Variants in ZNF514 observed in about 807,000 individuals in gnomAD.
ZNF514 encodes the protein zinc finger protein 514.
A neutral mutation model predicts 9.7 loss-of-function variants in ZNF514; 12 were observed. The ratio of observed to expected loss-of-function variants is 1.24; its 90% CI spans 0.79 to 2.01. The LOEUF is 2.01. Ranked by LOEUF, ZNF514 falls within the 30% of genes most tolerant of loss-of-function variation. The pLI, the probability that ZNF514 is intolerant of heterozygous loss-of-function variation, is 0.00. For synonymous variants in ZNF514, 158 were observed against 163.7 expected, an observed-to-expected ratio of 0.97 and a Z score of 0.27; for missense variants, 467 against 465.5, an observed-to-expected ratio of 1.00 and a Z score of -0.03.
In ZNF514 at chr2:95,145,797, G is replaced by A. The variant is rs955689889; in HGVS notation, c.*3485C>T. 6.6e-6 allele frequency among the ~76,000 whole-genome samples: 1 copy of A among 152,144 alleles called. No individual in the cohort carries two copies. Among genetic ancestry groups the A allele is most frequent in the African/African-American group, 2.4e-5 (1 of 41,410 alleles). ...CAGCACAATTGTCTCTTCCTCTCAC[G>A]TACCTTTGCCATGTTAACCATACTC... On this transcript the variant is annotated 3_prime_UTR_variant, in exon 5 of 5. Coordinates refer to ENST00000295208, the MANE Select transcript of ZNF514 (RefSeq NM_032788.3).
chr2:95,127,372 G>A, the ZNF514 span, among the ~76,000 whole-genome samples: 4 of 152,108 alleles, frequency 2.6e-5, no homozygotes, highest in Admixed American at 2.6e-4. Context: ...ACTTCAGTAG[G>A]TTCTCCATCT....
chr2:95,131,599 G>T, the ZNF514 span, among the ~76,000 whole-genome samples: 1 of 152,158 alleles, frequency 6.6e-6, no homozygotes, highest in Non-Finnish European at 1.5e-5. Flanking sequence ...AAACCCCAGA[G>T]CTGGAATCTT....
the ZNF514 span, among the ~76,000 whole-genome samples, chr2:95,126,729 G>A: frequency 1.3e-5 from 2 of 151,968 alleles, no homozygotes; most frequent in Non-Finnish European, 2.9e-5. Context: ...TGTGTTTTGA[G>A]AATTCTTTGT....
chr2:95,140,501 T>C (rs1300146108), downstream of ZNF514, among the ~76,000 whole-genome samples: 3 of 151,720 alleles, frequency 2.0e-5, no homozygotes, highest in African/African-American at 7.3e-5. Flanking sequence ...TTGCCTGTAA[T>C]CCCAGGGAGG....
rs1225175957 is a variant in ZNF514 at position 95,149,845 on chromosome 2, G to A, written c.640C>T (p.His214Tyr). The change falls in exon 5 of 5, where the codon CAC becomes TAC. Residue 214 changes from histidine (H) to tyrosine (Y), a missense_variant. Coordinates refer to ENST00000295208, the MANE Select transcript of ZNF514 (RefSeq NM_032788.3). ...CKCNECGKSF[H>Y]FQSELRRHQR... ...TGGCGCCTAAGTTCTGACTGGAAGT[G>A]AAAGGACTTCCCACACTCATTACAT... is the stretch of plus-strand genomic sequence containing the variant. 6.2e-7 allele frequency: 1 copy of A among 1,614,186 alleles called. No individual in the cohort carries two copies. The highest frequency in any genetic ancestry group is 1.3e-5 in the African/African-American group (1 of 75,054).
At chr2:95,137,596 T>G in the ZNF514 span, among the ~76,000 whole-genome samples, 1 of 152,210 alleles carries the variant, frequency 6.6e-6, no homozygotes, top group African/African-American at 2.4e-5. Context: ...AACTTTCAGA[T>G]GGATTTTATC....
rs796409697 is a variant in ZNF514 at position 95,152,839 on chromosome 2, A to G, written c.122-70T>C. 49 of 1,376,210 alleles carry G rather than the reference A, an allele frequency of 3.6e-5. No homozygotes were observed. In the African/African-American group the frequency reaches 7.0e-4, roughly 20 times the overall value. 85.2% of individuals were successfully genotyped at this position (1,376,210 alleles called of 1,614,324 possible). The stretch of plus-strand genomic sequence containing the variant: ...GCCAAGTCTTTGGATATTCATCTTC[A>G]AGGTGGAGAAATACTGTAGGCATGG... On this transcript the variant is annotated intron_variant, in intron 3 of 4. Transcript: ENST00000295208.
chr2:95,134,727 A>G, the ZNF514 span, among the ~76,000 whole-genome samples: 1 of 152,234 alleles, frequency 6.6e-6, no homozygotes, highest in Non-Finnish European at 1.5e-5. Flanking sequence ...GTTTTCTTCT[A>G]AGAGTTTTAC....
At chr2:95,143,760 G>A (rs1673299889), downstream of ZNF514, among the ~76,000 whole-genome samples, 1 of 152,226 alleles carries the variant, frequency 6.6e-6, no homozygotes, top group Non-Finnish European at 1.5e-5. Context: ...TCTTGTGGGG[G>A]TTCAGTCAGG....
At chr2:95,157,571 A>G (rs533197682) in intron 1 of ZNF514, 132 bp from the exon 2 acceptor site, 7 of 413,232 alleles carry the variant, frequency 1.7e-5, no homozygotes, top group African/African-American at 1.2e-4. Flanking sequence ...GTGGATCAAA[A>G]GGATCTGAGA....
downstream of ZNF514, among the ~76,000 whole-genome samples, chr2:95,141,260 G>A (rs558856141): frequency 1.1e-4 from 17 of 152,224 alleles, no homozygotes; most frequent in South Asian, 2.1e-4. Context: ...AGGCATTAAC[G>A]CTTACTCAAA....
At chr2:95,134,012 T>C in the ZNF514 span, among the ~76,000 whole-genome samples, 2 of 152,160 alleles carry the variant, frequency 1.3e-5, no homozygotes, top group Non-Finnish European at 2.9e-5. Flanking sequence ...CTACAGTTAT[T>C]TCCAAATAAA....
chr2:95,141,357 G>A (rs1278882878), downstream of ZNF514, among the ~76,000 whole-genome samples: 1 of 152,128 alleles, frequency 6.6e-6, no homozygotes, highest in East Asian at 1.9e-4. Flanking sequence ...AAAATTTTCA[G>A]AAACCCTTGC....
chr2:95,153,358 G>T (rs1673596860), intron 2 of ZNF514, 99 bp from the exon 3 acceptor site: 1 of 1,250,800 alleles, frequency 8.0e-7, no homozygotes, highest in Non-Finnish European at 1.1e-6. Flanking sequence ...GGCCTACAGA[G>T]ACATTCTTCT....
intron 2 of ZNF514, chr2:95,155,175 T>C (rs952974679): frequency 6.6e-6 from 1 of 152,222 alleles, no homozygotes; most frequent in Non-Finnish European, 1.5e-5. Context: ...AAAAGCTGCT[T>C]TGCCCCCAAG....
In ZNF514 at chr2:95,159,271, C is replaced by A; in HGVS notation, c.-127G>T. Reference sequence around the variant, plus strand: ...CTCGGCTCCTCCTCAGGACCAGGCTCTGGAACCCAGCTCCCACGTGGATCC... The same window carrying A: ...CTCGGCTCCTCCTCAGGACCAGGCTATGGAACCCAGCTCCCACGTGGATCC... On this transcript the variant is annotated 5_prime_UTR_variant, in exon 1 of 5. Coordinates refer to ENST00000295208, the MANE Select transcript of ZNF514 (RefSeq NM_032788.3). 1 of 164,076 alleles carries A rather than the reference C, an allele frequency of 6.1e-6. No homozygotes were observed. 10.2% of individuals were successfully genotyped at this position (164,076 alleles called of 1,614,324 possible). A position where few individuals can be genotyped will look rare whatever the true frequency, so the allele number is the denominator to read the frequency against.
At chr2:95,141,430 G>T (rs1357221595), downstream of ZNF514, among the ~76,000 whole-genome samples, 1 of 152,064 alleles carries the variant, frequency 6.6e-6, no homozygotes, top group Admixed American at 6.6e-5. Context: ...CCCTGGGGAC[G>T]TATCAGTTCT....
At chr2:95,139,056 T>C in the ZNF514 span, among the ~76,000 whole-genome samples, 1 of 152,258 alleles carries the variant, frequency 6.6e-6, no homozygotes, top group Non-Finnish European at 1.5e-5. Context: ...TAAGTTTTGG[T>C]AGCTTTCACG....
chr2:95,143,286 T>C (rs546421734), downstream of ZNF514, among the ~76,000 whole-genome samples: 59 of 152,172 alleles, frequency 3.9e-4, no homozygotes, highest in Non-Finnish European at 6.9e-4. Context: ...AATAACTGAA[T>C]CATTTTCATA....
Sources: gnomAD v4.1 joint callset for allele counts (sites outside exome capture counted in the v4.1 genomes callset) on GRCh38, gnomAD v4.1.1 for gene constraint, MANE v1.5 for transcripts, NCBI Gene and HGNC (gene_info 2026-07-23, HGNC 2026-07-21) for gene names.